LEP: variants seen among roughly 807,000 people sequenced by gnomAD.
LEP encodes leptin.
In LEP, 6 loss-of-function variants were observed where a neutral mutation model predicts 9.8. The observed-to-expected ratio is 0.61, with a 90% CI of 0.34 to 1.21. LEP has a LOEUF of 1.21. Ranked by LOEUF, LEP falls within the 50% of genes most tolerant of loss-of-function variation. The pLI is 0.04. For missense variants in LEP, 134 were observed against 198.1 expected, an observed-to-expected ratio of 0.68 and a Z score of 1.94; for synonymous variants, 112 against 81.7, an observed-to-expected ratio of 1.37 and a Z score of -2.00.
chr7:128,244,280 C>G (rs1180973799), intron 1 of LEP, among the ~76,000 whole-genome samples: 3 of 136,396 alleles, frequency 2.2e-5, no homozygotes, highest in Admixed American at 7.5e-5. Context: ...CACACACACA[C>G]AGATTAGAGC....
At position 128,249,140 on chromosome 7, in the gene LEP, C is replaced by T. The variant is rs527426473; in HGVS notation, c.-28-2851C>T. Among the ~76,000 whole-genome samples the T allele has an allele frequency of 2.6e-5, 4 of 152,320 alleles. No homozygotes were observed. The South Asian group carries it at 8.3e-4, about 32-fold the overall frequency. Reference sequence around the variant, plus strand: ...ACCCAGGTACTAAGACTCAGGTGAACCAAGGAAGACTTAATGCCCACTCTT... The same window carrying T: ...ACCCAGGTACTAAGACTCAGGTGAATCAAGGAAGACTTAATGCCCACTCTT... On this transcript the variant is annotated intron_variant, in intron 1 of 2. Coordinates refer to ENST00000308868, the MANE Select transcript of LEP (RefSeq NM_000230.3).
At chr7:128,252,435 A>G (rs908857830) in intron 2 of LEP, among the ~76,000 whole-genome samples, 9 of 152,186 alleles carry the variant, frequency 5.9e-5, no homozygotes, top group Non-Finnish European at 1.3e-4. Flanking sequence ...CCATTTAAAA[A>G]TCATAGGATT....
At chr7:128,251,954 C>G in intron 1 of LEP, 37 bp from the exon 2 acceptor site, 1 of 1,546,542 alleles carries the variant, frequency 6.5e-7, no homozygotes, top group African/African-American at 1.4e-5. Context: ...TTCTGAGATA[C>G]CGGCTCCTTG....
rs111544798 is a variant in LEP, at chr7:128,248,438, G to GA, written c.-28-3541dup. ...AAAGAGGGAAACATCGTCTAAAAAA[G>GA]AAAAAAAAAAAATTAGCCAGGCTGG... is the stretch of plus-strand genomic sequence containing the variant. On this transcript the variant is annotated intron_variant, in intron 1 of 2. Coordinates refer to ENST00000308868, the MANE Select transcript of LEP (RefSeq NM_000230.3). Among the ~76,000 whole-genome samples the GA allele has an allele frequency of 6.3e-4, 87 of 137,228 alleles. No homozygotes were observed. The South Asian group carries it at 9.2e-3, about 15-fold the overall frequency. 90.0% of individuals were successfully genotyped at this position (137,228 alleles called of 152,430 possible).
At chr7:128,249,577 G>A (rs1004458811) in intron 1 of LEP, among the ~76,000 whole-genome samples, 2 of 151,824 alleles carry the variant, frequency 1.3e-5, no homozygotes, top group South Asian at 4.1e-4. Flanking sequence ...GAGACTCTGA[G>A]AAGTAAAGTA....
chr7:128,242,105 C>A (rs1156428480), intron 1 of LEP, among the ~76,000 whole-genome samples: 2 of 152,204 alleles, frequency 1.3e-5, no homozygotes, highest in Admixed American at 1.3e-4. Context: ...CCTTTACACT[C>A]CTGTTTCTAT....
chr7:128,243,636 A>G (rs759077615), intron 1 of LEP, among the ~76,000 whole-genome samples: 8 of 152,178 alleles, frequency 5.3e-5, no homozygotes, highest in Non-Finnish European at 1.0e-4. Context: ...ACGCTGAAGC[A>G]TTTTCTGTCT....
In LEP at chr7:128,254,471, C is replaced by A. The variant is rs886061973; in HGVS notation, c.212C>A (p.Thr71Asn). 5 of 1,613,924 alleles carry A rather than the reference C, an allele frequency of 3.1e-6. No individual in the cohort carries two copies. The African/African-American group carries it at 5.3e-5, about 17-fold the overall frequency. ...DFIPGLHPIL[T>N]LSKMDQTLAV... ...ATTCCTGGGCTCCACCCCATCCTGA[C>A]CTTATCCAAGATGGACCAGACACTG... The change falls in exon 3 of 3, where the codon ACC (threonine) becomes AAC (asparagine). Residue 71 changes from threonine (T) to asparagine (N), a missense_variant. Transcript: ENST00000308868.
chr7:128,243,739 A>G (rs1279781809), intron 1 of LEP, among the ~76,000 whole-genome samples: 1 of 152,264 alleles, frequency 6.6e-6, no homozygotes, highest in Non-Finnish European at 1.5e-5. Context: ...TTGAGGAGGC[A>G]GGTTACCCTA....
At position 128,255,580 on chromosome 7, in the gene LEP, A is replaced by G. The variant is rs1189247045; in HGVS notation, c.*817A>G. 1 of 152,220 alleles carries G rather than the reference A, an allele frequency of 6.6e-6. No homozygotes were observed. Among genetic ancestry groups the G allele is most frequent in the Non-Finnish European group, 1.5e-5 (1 of 68,058 alleles). The allele number at this position is 152,220 out of a possible 1,614,324, so 9.4% of individuals were successfully genotyped here. On this transcript the variant is annotated 3_prime_UTR_variant, in exon 3 of 3. Coordinates refer to ENST00000308868, the MANE Select transcript of LEP (RefSeq NM_000230.3). ...AAAGATTTGTTTTGTCAAGTGTCAT[A>G]TGTAGGTGTCTGCACCCAGGGGTGG...
chr7:128,241,798 G>A (rs2278815), intron 1 of LEP, among the ~76,000 whole-genome samples: 67,514 of 152,100 alleles, frequency 0.44, 17,856 homozygotes, highest in East Asian at 0.74. Flanking sequence ...AATGAGAGGG[G>A]CTGTGTAAGG....
chr7:128,246,276 G>C (rs1031340), intron 1 of LEP, among the ~76,000 whole-genome samples: 1 of 151,630 alleles, frequency 6.6e-6, no homozygotes, highest in Non-Finnish European at 1.5e-5. Flanking sequence ...GGTGGGGTGC[G>C]GGCCCTGCAC....
Position 128,245,953 on chromosome 7 carries a change from C to T in LEP, c.-29+4647C>T, listed in dbSNP as rs533213771. The stretch of plus-strand genomic sequence containing the variant: ...GGTGGGCGCCTGTATTTCCAGCTAC[C>T]CGGGAGGCTGAGGAGGCTGAGGCAG... On this transcript the variant is annotated intron_variant, in intron 1 of 2. Coordinates refer to ENST00000308868, the MANE Select transcript of LEP (RefSeq NM_000230.3). 1.4e-3 allele frequency among the ~76,000 whole-genome samples: 212 copies of T among 151,918 alleles called. 8 individuals are homozygous for T. In the South Asian group the frequency reaches 0.041, roughly 29 times the overall value.
At chr7:128,244,175 C>CG (rs1267545034) in intron 1 of LEP, among the ~76,000 whole-genome samples, 1 of 151,886 alleles carries the variant, frequency 6.6e-6, no homozygotes, top group Non-Finnish European at 1.5e-5. Context: ...TGCTTGAGCC[C>CG]GGGAAGTCGG....
intron 1 of LEP, among the ~76,000 whole-genome samples, chr7:128,250,457 C>T (rs1795260643): frequency 1.3e-5 from 2 of 152,046 alleles, no homozygotes; most frequent in African/African-American, 4.8e-5. Flanking sequence ...TTGGGCTTTT[C>T]CTTAAATCCT....
intron 1 of LEP, among the ~76,000 whole-genome samples, chr7:128,250,797 C>G (rs1795265879): frequency 1.3e-5 from 2 of 152,126 alleles, no homozygotes; most frequent in Non-Finnish European, 2.9e-5. Flanking sequence ...TCTCCAGAAC[C>G]GTCATCCTAA....
Position 128,254,941 on chromosome 7 carries a change from GA to G in LEP, c.*181del. On this transcript the variant is annotated 3_prime_UTR_variant, in exon 3 of 3. Coordinates refer to ENST00000308868, the MANE Select transcript of LEP (RefSeq NM_000230.3). ...TAAGACCCTAAGCCTCCTTTTGCTTGAAACCAAAGATATATACACAGGATCC... is the reference window on the plus strand; with the variant it reads ...TAAGACCCTAAGCCTCCTTTTGCTTGAACCAAAGATATATACACAGGATCC... The G allele has an allele frequency of 1.5e-6, 1 of 688,706 alleles. No homozygotes were observed. Among genetic ancestry groups the G allele is most frequent in the Non-Finnish European group, 2.5e-6 (1 of 395,746 alleles). The allele number at this position is 688,706 out of a possible 1,614,324, so 42.7% of individuals were successfully genotyped here.
intron 2 of LEP, 33 bp from the exon 3 acceptor site, chr7:128,254,371 T>C (rs1382235755): frequency 6.2e-7 from 1 of 1,609,574 alleles, no homozygotes; most frequent in African/African-American, 1.3e-5. Context: ...TCCCACATGC[T>C]GAGCACTTGT....
In LEP at chr7:128,251,684, C is replaced by T. The variant is rs77281811; in HGVS notation, c.-28-307C>T. 9.8e-5 allele frequency among the ~76,000 whole-genome samples: 15 copies of T among 152,304 alleles called. No homozygotes were observed. In the East Asian group the frequency reaches 1.3e-3, roughly 14 times the overall value. On this transcript the variant is annotated intron_variant, in intron 1 of 2. Transcript: ENST00000308868. ...CCTTAAAAGTCTGTTATCTTTCCCT[C>T]GAGCATGCAATGAAGTCTACATCAT...
Sources: allele counts gnomAD v4.1 joint callset (sites outside exome capture counted in the v4.1 genomes callset), GRCh38; gene constraint gnomAD v4.1.1; transcripts MANE v1.5; gene names NCBI Gene and HGNC (gene_info 2026-07-23, HGNC 2026-07-21).